Variants in ANKS1A observed in about 807,000 individuals in gnomAD.
The protein encoded by ANKS1A is ankyrin repeat and sterile alpha motif domain containing 1A.
In ANKS1A, 55 loss-of-function variants were observed where a neutral mutation model predicts 120.3. The ratio of observed to expected loss-of-function variants is 0.46; its 90% CI spans 0.37 to 0.57. The LOEUF is 0.57. ANKS1A is among the 20% of genes least tolerant of loss of function. The probability of loss-of-function intolerance (pLI) is 0.00; values close to 1 mark genes in which losing one functional copy is unlikely to be tolerated. For missense variants in ANKS1A, 1,123 were observed against 1,480.3 expected, an observed-to-expected ratio of 0.76 and a Z score of 3.96; for synonymous variants, 590 against 604.7, an observed-to-expected ratio of 0.98 and a Z score of 0.36.
At chr6:34,910,051 T>C (rs1217106199) in intron 1 of ANKS1A, among the ~76,000 whole-genome samples, 2 of 152,224 alleles carry the variant, frequency 1.3e-5, no homozygotes, top group South Asian at 2.1e-4. Flanking sequence ...ACAGTAGTTA[T>C]GGATTTGCAA....
intron 1 of ANKS1A, among the ~76,000 whole-genome samples, chr6:34,947,666 A>T (rs1479914237): frequency 6.6e-6 from 1 of 152,208 alleles, no homozygotes; most frequent in Admixed American, 6.5e-5. Context: ...GAAAACAAAA[A>T]GCTGTTTATG....
intron 8 of ANKS1A, among the ~76,000 whole-genome samples, chr6:34,985,535 C>T (rs1772151422): frequency 6.6e-6 from 1 of 152,196 alleles, no homozygotes; most frequent in Admixed American, 6.5e-5. Flanking sequence ...TACGTGACTT[C>T]ATTGGCCTTA....
intron 3 of ANKS1A, among the ~76,000 whole-genome samples, chr6:34,976,920 C>G (rs547677333): frequency 2.0e-5 from 3 of 152,114 alleles, no homozygotes; most frequent in Non-Finnish European, 4.4e-5. Flanking sequence ...CTCCTAAGAA[C>G]AAGGACATTC....
chr6:35,015,055 G>C (rs569303290), intron 10 of ANKS1A, among the ~76,000 whole-genome samples: 1 of 152,316 alleles, frequency 6.6e-6, no homozygotes, highest in East Asian at 1.9e-4. Context: ...TAAGCTATAT[G>C]AAACTCTTAT....
chr6:35,080,404 GA>G, intron 16 of ANKS1A, among the ~76,000 whole-genome samples: 1 of 152,220 alleles, frequency 6.6e-6, no homozygotes, highest in Admixed American at 6.5e-5. Context: ...TGCAGCTGAG[GA>G]AGAGCTCTCC....
chr6:35,084,036 C>T lies in ANKS1A; in HGVS notation c.2995-85C>T, dbSNP rs2127613168. 1.9e-6 allele frequency: 3 copies of T among 1,566,350 alleles called. No individual in the cohort carries two copies. The highest frequency in any genetic ancestry group is 1.3e-5 in the African/African-American group (1 of 74,184). ...TGATGCTCTAGGCTGGGACAGAGAA[C>T]AGTGACAATGGTAACAGGCTGGGGC... On this transcript the variant is annotated intron_variant, in intron 20 of 23. Transcript: ENST00000360359. The surrounding 1 kb of genome is among the most constrained non-coding windows in gnomAD (Gnocchi z 4.8).
At chr6:34,931,217 G>A (rs6912229) in intron 1 of ANKS1A, among the ~76,000 whole-genome samples, 10,776 of 150,578 alleles carry the variant, frequency 0.072, 558 homozygotes, top group East Asian at 0.23. Flanking sequence ...TGCGATCTCA[G>A]CTCACTGCAA....
At chr6:34,971,810 A>T (rs1435845959) in intron 3 of ANKS1A, among the ~76,000 whole-genome samples, 1 of 152,044 alleles carries the variant, frequency 6.6e-6, no homozygotes, top group African/African-American at 2.4e-5. Flanking sequence ...TGATTTGGAG[A>T]TTGTGTGTAT....
At chr6:35,087,103 C>T in intron 23 of ANKS1A, 54 bp downstream of exon 23, 1 of 1,539,716 alleles carries the variant, frequency 6.5e-7, no homozygotes, top group South Asian at 1.1e-5. Flanking sequence ...ACTAGTCTCA[C>T]TGTGCCTTTG....
At position 34,892,755 on chromosome 6, in the gene ANKS1A, G is replaced by A. The variant is rs561982140; in HGVS notation, c.197+3156G>A. On this transcript the variant is annotated intron_variant, in intron 1 of 23. Transcript: ENST00000360359. ...TCAAGCTTCCATGTCTTTGGAGCAC[G>A]TCATCTGTAGTGTACTTTGCTTGCC... Among the ~76,000 whole-genome samples the A allele has an allele frequency of 5.9e-5, 9 of 152,264 alleles. No homozygotes were observed. In the South Asian group the frequency reaches 6.2e-4, roughly 11 times the overall value.
intron 23 of ANKS1A, 152 bp downstream of exon 23, chr6:35,087,201 C>T (rs1157958060): frequency 1.2e-5 from 8 of 687,200 alleles, no homozygotes; most frequent in Middle Eastern, 2.4e-4. Flanking sequence ...TCCTCTTGGG[C>T]GGGCGGCAGC....
Position 34,982,071 on chromosome 6 carries a change from C to G in ANKS1A, c.732+85C>G. 2.7e-6 allele frequency: 4 copies of G among 1,493,942 alleles called. No homozygotes were observed. The highest frequency in any genetic ancestry group is 2.7e-6 in the Non-Finnish European group (3 of 1,109,008). The allele number at this position is 1,493,942 out of a possible 1,614,324, so 92.5% of individuals were successfully genotyped here. ...ACAAGGACCATGCTGCTGGGCTGTG[C>G]TCTTTATTTAGCACGTTTCACATCA... is the stretch of plus-strand genomic sequence containing the variant. On this transcript the variant is annotated intron_variant, in intron 4 of 23. Coordinates refer to ENST00000360359, the MANE Select transcript of ANKS1A (RefSeq NM_015245.3). The surrounding 1 kb of genome is among the most constrained non-coding windows in gnomAD (Gnocchi z 4.9).
rs1778267379 is a variant in ANKS1A at position 35,090,875 on chromosome 6, C to T, written c.*2266C>T. 1 of 985,832 alleles carries T rather than the reference C, an allele frequency of 1.0e-6. No individual in the cohort carries two copies. Among genetic ancestry groups the T allele is most frequent in the Non-Finnish European group, 1.2e-6 (1 of 830,242 alleles). 61.1% of individuals were successfully genotyped at this position (985,832 alleles called of 1,614,324 possible). On this transcript the variant is annotated 3_prime_UTR_variant, in exon 24 of 24. Transcript: ENST00000360359. ...TTCTTGTCCACCTCTTCTCCCCTGC[C>T]CACCAGCTGCTCAGCGCATAAGACC...
intron 13 of ANKS1A, among the ~76,000 whole-genome samples, chr6:35,070,043 A>AG (rs1777001830): frequency 6.7e-6 from 1 of 148,752 alleles, no homozygotes; most frequent in Admixed American, 6.7e-5. Context: ...AAAAAAAAAA[A>AG]GAGACTGGGT....
chr6:34,954,881 GTTTC>G (rs1770276635), intron 1 of ANKS1A, among the ~76,000 whole-genome samples: 1 of 151,982 alleles, frequency 6.6e-6, no homozygotes. Flanking sequence ...TTATGCTGTT[GTTTC>G]TTTATTTTAA....
intron 1 of ANKS1A, among the ~76,000 whole-genome samples, chr6:34,960,782 C>G (rs1770594619): frequency 1.3e-5 from 2 of 152,070 alleles, no homozygotes; most frequent in South Asian, 4.1e-4. Context: ...TGCTAGGCCT[C>G]TCAATACTAT....
chr6:35,040,035 A>G (rs563297003), intron 11 of ANKS1A, among the ~76,000 whole-genome samples: 1 of 152,156 alleles, frequency 6.6e-6, no homozygotes, highest in South Asian at 2.1e-4. Context: ...TCTAACCCTA[A>G]TTACCTCTCA....
chr6:35,039,192 CTT>C lies in ANKS1A; in HGVS notation c.2011-14885_2011-14884del, dbSNP rs35565672. Among the ~76,000 whole-genome samples, 24 of 83,802 alleles carry C rather than the reference CTT, an allele frequency of 2.9e-4. No homozygotes were observed. In the South Asian group the frequency reaches 3.2e-3, roughly 11 times the overall value. 55.0% of individuals were successfully genotyped at this position (83,802 alleles called of 152,430 possible). A position where few individuals can be genotyped will look rare whatever the true frequency, so the allele number is the denominator to read the frequency against. On this transcript the variant is annotated intron_variant, in intron 11 of 23. Transcript: ENST00000360359. ...TGTCACCACAAAGATCTCCCTCATA[CTT>C]TTTTTTTTTTTTTTTTTTTTTGAGA...
rs568563838 is a variant in ANKS1A, at chr6:34,990,737, G to A, written c.1302+1421G>A. On this transcript the variant is annotated intron_variant, in intron 9 of 23. Coordinates refer to ENST00000360359, the MANE Select transcript of ANKS1A (RefSeq NM_015245.3). ...AGTGGTGGCTGGGAGAGAGAAGGGGGAAATCTTCATATTACTCTCCTAGAT... is the reference window on the plus strand; with the variant it reads ...AGTGGTGGCTGGGAGAGAGAAGGGGAAAATCTTCATATTACTCTCCTAGAT... 4.6e-5 allele frequency among the ~76,000 whole-genome samples: 7 copies of A among 152,238 alleles called. No individual in the cohort carries two copies. In the East Asian group the frequency reaches 1.3e-3, roughly 29 times the overall value.
Sources: allele counts gnomAD v4.1 joint callset (sites outside exome capture counted in the v4.1 genomes callset), GRCh38; gene constraint gnomAD v4.1.1; non-coding constraint Gnocchi (gnomAD v3.1); transcripts MANE v1.5; gene names NCBI Gene and HGNC (gene_info 2026-07-23, HGNC 2026-07-21).